DSCAML1: variants seen among roughly 807,000 people sequenced by gnomAD.
DSCAML1 encodes cell adhesion molecule DSCAML1.
In DSCAML1, 38 loss-of-function variants were observed where a neutral mutation model predicts 200.5. That is an observed-to-expected ratio of 0.19 (90% CI 0.15 to 0.25). The LOEUF (loss-of-function observed/expected upper bound fraction) is 0.25. DSCAML1 is among the 10% of genes least tolerant of loss of function. The pLI, the probability that DSCAML1 is intolerant of heterozygous loss-of-function variation, is 1.00. For missense variants in DSCAML1, 2,223 were observed against 2,858.8 expected (o/e 0.78, Z 5.07); for synonymous variants, 1,215 against 1,165.0 (o/e 1.04, Z -0.87).
At chr11:117,762,417 C>T (rs1299900978) in intron 3 of DSCAML1, among the ~76,000 whole-genome samples, 1 of 152,150 alleles carries the variant, frequency 6.6e-6, no homozygotes, top group African/African-American at 2.4e-5. Flanking sequence ...GCCCCTGGTG[C>T]CTGCTTCCTG....
At chr11:117,429,007 A>G (rs937820906) in intron 32 of DSCAML1, among the ~76,000 whole-genome samples, 6 of 152,124 alleles carry the variant, frequency 3.9e-5, no homozygotes, top group African/African-American at 1.4e-4. Flanking sequence ...AGTGGGGATG[A>G]TCTTACTTCC....
chr11:117,437,289 C>A lies in DSCAML1; in HGVS notation c.4553G>T (p.Arg1518Leu). 1 of 1,614,222 alleles carries A rather than the reference C, an allele frequency of 6.2e-7. No individual in the cohort carries two copies. The highest frequency in any genetic ancestry group is 8.5e-7 in the Non-Finnish European group (1 of 1,180,036). Reference protein sequence around the residue: ...CPITAIVLEYRPKGTWAWQGL... With the variant: ...CPITAIVLEYLPKGTWAWQGL... Reference sequence around the variant, plus strand: ...CTGCCAGGCCCAGGTCCCCTTGGGCCGGTACTCCAGAACGATGGCTGTGAT... The same window carrying A: ...CTGCCAGGCCCAGGTCCCCTTGGGCAGGTACTCCAGAACGATGGCTGTGAT... The change falls in exon 26 of 33, where the codon CGG (arginine) becomes CTG (leucine). Residue 1518 changes from arginine (R) to leucine (L), a missense_variant. This residue lies in a region of DSCAML1 where 614 missense variants were observed against 739.1 expected (regional missense o/e 0.83). Transcript: ENST00000651296. The surrounding 1 kb of genome is among the most constrained non-coding windows in gnomAD (Gnocchi z 5.3).
At chr11:117,540,305 T>C (rs1447319976) in intron 3 of DSCAML1, among the ~76,000 whole-genome samples, 1 of 152,152 alleles carries the variant, frequency 6.6e-6, no homozygotes, top group Non-Finnish European at 1.5e-5. Flanking sequence ...GCGAACCCTA[T>C]TGTGAACTGT....
chr11:117,613,725 T>G (rs1244161652), intron 3 of DSCAML1, among the ~76,000 whole-genome samples: 5 of 152,178 alleles, frequency 3.3e-5, no homozygotes, highest in African/African-American at 9.7e-5. Context: ...TCATTACTTT[T>G]AACATCCAAA....
At chr11:117,608,286 A>G (rs2051614235) in intron 3 of DSCAML1, among the ~76,000 whole-genome samples, 1 of 152,242 alleles carries the variant, frequency 6.6e-6, no homozygotes, top group Admixed American at 6.5e-5. Context: ...CTTGCAAATA[A>G]ATGTAACTTT....
rs781192209 is a variant in DSCAML1 at position 117,797,115 on chromosome 11, C to G, written c.-36G>C. ...GGCCCTATTCTCCGGGGAGGTGGTCCTGTGGCCGGCCGTGCGGCAGCGCCT... is the reference window on the plus strand; with the variant it reads ...GGCCCTATTCTCCGGGGAGGTGGTCGTGTGGCCGGCCGTGCGGCAGCGCCT... On this transcript the variant is annotated 5_prime_UTR_variant, in exon 1 of 33. Coordinates refer to ENST00000651296, the MANE Select transcript of DSCAML1 (RefSeq NM_020693.4). 4 of 1,589,690 alleles carry G rather than the reference C, an allele frequency of 2.5e-6. No homozygotes were observed. The South Asian group carries it at 4.5e-5, about 18-fold the overall frequency.
chr11:117,547,430 G>T (rs768442898), intron 3 of DSCAML1, among the ~76,000 whole-genome samples: 2 of 152,134 alleles, frequency 1.3e-5, no homozygotes, highest in Non-Finnish European at 1.5e-5. Context: ...CCCTTGGCTC[G>T]CTTCTAAGGC....
chr11:117,562,401 C>T (rs751643793), intron 3 of DSCAML1, among the ~76,000 whole-genome samples: 5 of 152,270 alleles, frequency 3.3e-5, no homozygotes, highest in Admixed American at 1.3e-4. Context: ...AGTGCCACGT[C>T]TTCTGTGTGC....
chr11:117,788,059 C>T (rs2055393167), intron 1 of DSCAML1, among the ~76,000 whole-genome samples: 1 of 152,182 alleles, frequency 6.6e-6, no homozygotes, highest in Non-Finnish European at 1.5e-5. Context: ...TCACTAAAAA[C>T]CCTTTATGTT....
intron 3 of DSCAML1, among the ~76,000 whole-genome samples, chr11:117,593,945 C>G (rs537341601): frequency 2.2e-4 from 34 of 152,052 alleles, no homozygotes; most frequent in Non-Finnish European, 4.4e-4. Flanking sequence ...GATCTCCTGA[C>G]CTCGTGATCC....
chr11:117,437,509 G>A lies in DSCAML1; in HGVS notation c.4433-100C>T. 1 of 1,379,174 alleles carries A rather than the reference G, an allele frequency of 7.3e-7. No homozygotes were observed. The highest frequency in any genetic ancestry group is 1.4e-5 in the South Asian group (1 of 73,554). 85.4% of individuals were successfully genotyped at this position (1,379,174 alleles called of 1,614,324 possible). ...AGGATTTCCCTGGGGCAGCTGGGAT[G>A]GCAGTGGCTCCAGGAGAATACATGT... On this transcript the variant is annotated intron_variant, in intron 25 of 32. Coordinates refer to ENST00000651296, the MANE Select transcript of DSCAML1 (RefSeq NM_020693.4). The surrounding 1 kb of genome is among the most constrained non-coding windows in gnomAD (Gnocchi z 5.3).
chr11:117,614,127 ATC>A (rs151289889), intron 3 of DSCAML1, among the ~76,000 whole-genome samples: 1 of 151,602 alleles, frequency 6.6e-6, no homozygotes, highest in Non-Finnish European at 1.5e-5. Context: ...CATCTCCCTT[ATC>A]TCTCTCTCTC....
In DSCAML1 at chr11:117,489,626, C is replaced by T. The variant is rs538972985; in HGVS notation, c.2360-7464G>A. ...GGGAGTGAAGACCCTGGTGTGAAGACGGCCCATTTCATTCAAGCCTCAGTT... is the reference window on the plus strand; with the variant it reads ...GGGAGTGAAGACCCTGGTGTGAAGATGGCCCATTTCATTCAAGCCTCAGTT... On this transcript the variant is annotated intron_variant, in intron 11 of 32. Transcript: ENST00000651296. The surrounding 1 kb of genome is among the most constrained non-coding windows in gnomAD (Gnocchi z 4.8). Among the ~76,000 whole-genome samples, 12 of 152,210 alleles carry T rather than the reference C, an allele frequency of 7.9e-5. No homozygotes were observed. In the East Asian group the frequency reaches 1.4e-3, roughly 17 times the overall value.
rs183119631 is a variant in DSCAML1 at position 117,449,754 on chromosome 11, T to C, written c.3708+795A>G. ...CCCCTTGAGGGCAGGTATCTGCTCCTGCTCCCGTACCTAGAACAGGCATTC... is the reference window on the plus strand; with the variant it reads ...CCCCTTGAGGGCAGGTATCTGCTCCCGCTCCCGTACCTAGAACAGGCATTC... On this transcript the variant is annotated intron_variant, in intron 20 of 32. Coordinates refer to ENST00000651296, the MANE Select transcript of DSCAML1 (RefSeq NM_020693.4). 1.7e-3 allele frequency among the ~76,000 whole-genome samples: 255 copies of C among 152,360 alleles called. 1 individual carries two copies. The highest frequency in any genetic ancestry group is 5.8e-3 in the African/African-American group (242 of 41,588).
chr11:117,646,259 A>T (rs60032265), intron 3 of DSCAML1, among the ~76,000 whole-genome samples: 3,297 of 151,304 alleles, frequency 0.022, 90 homozygotes, highest in South Asian at 0.12. Flanking sequence ...GAAGGGAGGG[A>T]GGTGGCTGCA....
At chr11:117,648,900 A>G (rs2052572587) in intron 3 of DSCAML1, among the ~76,000 whole-genome samples, 1 of 152,178 alleles carries the variant, frequency 6.6e-6, no homozygotes, top group South Asian at 2.1e-4. Context: ...ACCAAAGATG[A>G]GGAATGTGAC....
At chr11:117,646,764 G>A (rs1591359100) in intron 3 of DSCAML1, among the ~76,000 whole-genome samples, 1 of 151,798 alleles carries the variant, frequency 6.6e-6, no homozygotes, top group South Asian at 2.1e-4. Context: ...AACTCCCCAA[G>A]AGCTAGCTGT....
chr11:117,782,048 G>A (rs1345565853), intron 1 of DSCAML1, among the ~76,000 whole-genome samples: 2 of 152,268 alleles, frequency 1.3e-5, no homozygotes, highest in African/African-American at 4.8e-5. Context: ...GTCTCTAGCC[G>A]GAAGCCACTC....
intron 3 of DSCAML1, among the ~76,000 whole-genome samples, chr11:117,602,878 C>T (rs963363623): frequency 2.0e-5 from 3 of 151,944 alleles, no homozygotes; most frequent in Non-Finnish European, 2.9e-5. Context: ...ACAGGTGGAC[C>T]GTTTGAGCTC....
Sources: gnomAD v4.1 joint callset for allele counts (sites outside exome capture counted in the v4.1 genomes callset) on GRCh38, gnomAD v4.1.1 for gene constraint, gnomAD v4.1.1 regional missense constraint, Gnocchi (gnomAD v3.1) non-coding constraint, MANE v1.5 for transcripts, NCBI Gene and HGNC (gene_info 2026-07-23, HGNC 2026-07-21) for gene names.